The following CCDC33 variants were observed in gnomAD, a reference collection of about 807,000 sequenced individuals.
CCDC33 encodes coiled-coil domain-containing protein 33.
CCDC33 carries 94 observed loss-of-function variants against 91.9 expected under a neutral mutation model. The ratio of observed to expected loss-of-function variants is 1.02; its 90% CI spans 0.87 to 1.21. The LOEUF (loss-of-function observed/expected upper bound fraction) is 1.21. Ranked by LOEUF, CCDC33 falls within the 50% of genes most tolerant of loss-of-function variation. CCDC33 has a pLI of 0.00. For synonymous variants in CCDC33, 396 were observed against 374.5 expected (o/e 1.06, Z -0.66); for missense variants, 940 against 935.5 (o/e 1.00, Z -0.06).
intron 11 of CCDC33, chr15:74,300,315 G>A (rs2059768352): frequency 6.6e-6 from 1 of 152,292 alleles, no homozygotes; most frequent in Non-Finnish European, 1.5e-5. Context: ...GCAATCACGG[G>A]AATGAGTACG....
chr15:74,275,307 A>C (rs1465883098), intron 7 of CCDC33, among the ~76,000 whole-genome samples: 1 of 152,198 alleles, frequency 6.6e-6, no homozygotes, highest in Non-Finnish European at 1.5e-5. Context: ...GAGAACTCAA[A>C]GGATAATCTT....
intron 2 of CCDC33, among the ~76,000 whole-genome samples, chr15:74,220,732 TGGCTTTCAAGGGAGAGGAAAATC>T (rs764392231): frequency 6.6e-6 from 1 of 152,018 alleles, no homozygotes; most frequent in Non-Finnish European, 1.5e-5. Context: ...GACAAGAAAA[TGGCTTTCAAGGGAGAGGAAAATC>T]GCTTCCCTGG....
chr15:74,223,774 G>GCACACACACACA (rs34461827), intron 2 of CCDC33, among the ~76,000 whole-genome samples: 2 of 145,506 alleles, frequency 1.4e-5, no homozygotes, highest in Admixed American at 6.8e-5. Context: ...ACGCAAGCAT[G>GCACACACACACA]CACACACACA....
At chr15:74,332,945 C>A in intron 16 of CCDC33, 100 bp downstream of exon 16, 2 of 1,412,212 alleles carry the variant, frequency 1.4e-6, no homozygotes, top group Non-Finnish European at 1.9e-6. Flanking sequence ...AGGAGCTAAG[C>A]TTCCCAGGGT....
chr15:74,302,037 T>A (rs570179441), intron 11 of CCDC33: 1 of 152,262 alleles, frequency 6.6e-6, no homozygotes, highest in African/African-American at 2.4e-5. Flanking sequence ...TTTTCCAACC[T>A]CCTTACACTG....
upstream of CCDC33, among the ~76,000 whole-genome samples, chr15:74,234,695 G>T (rs529259026): frequency 1.3e-5 from 2 of 152,234 alleles, no homozygotes. Flanking sequence ...TGGCAGGGGC[G>T]TGGCTGCAGA....
chr15:74,307,052 C>T lies in CCDC33; in HGVS notation c.1290+11104C>T, dbSNP rs531211498. ...TGGCGCTGCTCCTTAGTGAGATGGC[C>T]GGTGCTGCCAGGTCTTGCTGTCCAT... On this transcript the variant is annotated intron_variant, in intron 11 of 18. Coordinates refer to ENST00000398814, the MANE Select transcript of CCDC33 (RefSeq NM_025055.5). 4.6e-5 allele frequency among the ~76,000 whole-genome samples: 7 copies of T among 152,284 alleles called. No individual in the cohort carries two copies. In the South Asian group the frequency reaches 6.2e-4, roughly 14 times the overall value.
At chr15:74,326,008 G>A (rs2060302888) in intron 11 of CCDC33, among the ~76,000 whole-genome samples, 1 of 152,136 alleles carries the variant, frequency 6.6e-6, no homozygotes, top group Non-Finnish European at 1.5e-5. Context: ...TGTGCCCACT[G>A]CCCAGGGTTA....
intron 12 of CCDC33, 63 bp downstream of exon 12, chr15:74,330,417 G>A (rs956721726): frequency 4.7e-5 from 69 of 1,472,370 alleles, no homozygotes; most frequent in Non-Finnish European, 6.2e-5. Context: ...TCCAGGTTGT[G>A]CAATAGGGTG....
At chr15:74,256,467 G>A (rs1002691748) in intron 2 of CCDC33, among the ~76,000 whole-genome samples, 3 of 152,196 alleles carry the variant, frequency 2.0e-5, no homozygotes, top group Non-Finnish European at 4.4e-5. Context: ...GAACCATTGA[G>A]AGGATTCCAC....
At chr15:74,217,489 C>T in exon 1 of CCDC33, 2 of 1,289,686 alleles carry the variant, frequency 1.6e-6, no homozygotes, top group East Asian at 5.5e-5. Context: ...CCCTTCCCTG[C>T]CTGCTCTGCT....
intron 2 of CCDC33, among the ~76,000 whole-genome samples, chr15:74,250,342 G>T (rs1205638635): frequency 2.6e-5 from 4 of 152,046 alleles, no homozygotes; most frequent in Admixed American, 6.6e-5. Flanking sequence ...GTCTTTGCCG[G>T]CCCCTCCAGC....
At position 74,330,333 on chromosome 15, in the gene CCDC33, G is replaced by A. The variant is rs370144079; in HGVS notation, c.1435G>A (p.Ala479Thr). The change falls in exon 12 of 19, where the codon GCC becomes ACC. Residue 479 changes from alanine to threonine, a missense_variant. Ala to Thr is a moderately conservative substitution (Grantham distance 58). Coordinates refer to ENST00000398814, the MANE Select transcript of CCDC33 (RefSeq NM_025055.5). ...QQEEEEGQGK[A>T]SEAQNTVSMK... ...GGAGGAGGAAGAGGGGCAGGGCAAAGCCAGTGAGGCCCAGAACACGGGTGA... is the reference window on the plus strand; with the variant it reads ...GGAGGAGGAAGAGGGGCAGGGCAAAACCAGTGAGGCCCAGAACACGGGTGA... The A allele has an allele frequency of 8.7e-6, 14 of 1,604,540 alleles. No individual in the cohort carries two copies. Among genetic ancestry groups the A allele is most frequent in the Non-Finnish European group, 1.2e-5 (14 of 1,176,464 alleles).
chr15:74,333,735 T>G, intron 16 of CCDC33, 146 bp from the exon 17 acceptor site: 1 of 598,874 alleles, frequency 1.7e-6, no homozygotes, highest in South Asian at 2.1e-5. Flanking sequence ...CAGAAGAGGG[T>G]TCGGCCCAGG....
intron 3 of CCDC33, among the ~76,000 whole-genome samples, chr15:74,266,218 C>T (rs1378510199): frequency 6.6e-6 from 1 of 152,144 alleles, no homozygotes; most frequent in Non-Finnish European, 1.5e-5. Context: ...TCAGTTTCCC[C>T]ACCTGCAACA....
intron 10 of CCDC33, among the ~76,000 whole-genome samples, chr15:74,294,772 A>G (rs2059651877): frequency 6.6e-6 from 1 of 151,888 alleles, no homozygotes; most frequent in Non-Finnish European, 1.5e-5. Context: ...AAAAAAAAAT[A>G]GCAGGCAAGT....
intron 2 of CCDC33, among the ~76,000 whole-genome samples, chr15:74,261,954 C>T (rs560279706): frequency 1.3e-5 from 2 of 152,300 alleles, no homozygotes; most frequent in East Asian, 3.9e-4. Flanking sequence ...CTGGGATTGC[C>T]GGGTGGAGCC....
At chr15:74,243,659 AGAG>A (rs2075419764) in intron 1 of CCDC33, 3 of 463,878 alleles carry the variant, frequency 6.5e-6, no homozygotes, top group East Asian at 1.3e-4. Context: ...GTGCCGCAGC[AGAG>A]GAGGCCACTC....
chr15:74,308,336 A>C (rs2059928828), intron 11 of CCDC33, among the ~76,000 whole-genome samples: 1 of 124,770 alleles, frequency 8.0e-6, no homozygotes, highest in Non-Finnish European at 1.7e-5. Context: ...AGAAAAGCCC[A>C]GTCCATGTGT....
Sources: allele counts gnomAD v4.1 joint callset (sites outside exome capture counted in the v4.1 genomes callset), GRCh38; gene constraint gnomAD v4.1.1; transcripts MANE v1.5; gene names NCBI Gene and HGNC (gene_info 2026-07-23, HGNC 2026-07-21).